The following KCNMA1 variants were observed in gnomAD, a reference collection of about 807,000 sequenced individuals.
KCNMA1 encodes potassium calcium-activated channel subfamily M alpha 1.
In KCNMA1, 29 loss-of-function variants were observed where a neutral mutation model predicts 140.0. The observed-to-expected ratio is 0.21, with a 90% confidence interval of 0.15 to 0.28. The LOEUF is 0.28. Ranked by LOEUF, KCNMA1 falls within the 10% of genes least tolerant of loss-of-function variation. The pLI, the probability that KCNMA1 is intolerant of heterozygous loss-of-function variation, is 1.00. For missense variants in KCNMA1, 880 were observed against 1,602.2 expected (o/e 0.55, Z 7.70); for synonymous variants, 612 against 611.9 (o/e 1.00, Z 0.00).
intron 15 of KCNMA1, among the ~76,000 whole-genome samples, chr10:77,034,649 T>C (rs17389253): frequency 0.069 from 10,550 of 152,152 alleles, 387 homozygotes; most frequent in Middle Eastern, 0.099. Context: ...CATCCATACT[T>C]GCCCCTGGGC....
chr10:77,005,888 G>T (rs945532527), intron 18 of KCNMA1, among the ~76,000 whole-genome samples: 1 of 152,182 alleles, frequency 6.6e-6, no homozygotes, highest in East Asian at 1.9e-4. Flanking sequence ...CTTCTCAGAA[G>T]TGTTCTTGGA....
Position 76,918,677 on chromosome 10 carries a change from G to A in KCNMA1, c.2903-3628C>T, listed in dbSNP as rs142241437. 3.2e-4 allele frequency among the ~76,000 whole-genome samples: 49 copies of A among 152,244 alleles called. 1 individual carries two copies. The East Asian group carries it at 7.7e-3, about 24-fold the overall frequency. ...TACTACAGCCACTATGGAAAACAGT[G>A]TGGAGATTCCTCAAAGAACTAAAAG... On this transcript the variant is annotated intron_variant, in intron 23 of 27. Coordinates refer to ENST00000286628, the MANE Select transcript of KCNMA1 (RefSeq NM_001161352.2).
chr10:77,082,007 C>CTTTTTTTTTTTTTTTTTTT (rs201288668), intron 12 of KCNMA1, among the ~76,000 whole-genome samples: 3 of 32,510 alleles, frequency 9.2e-5, no homozygotes, highest in African/African-American at 5.4e-4. Flanking sequence ...TTTTTCTTTT[C>CTTTTTTTTTTTTTTTTTTT]TTTTTTTTTT....
chr10:77,506,460 T>C (rs2154546670), intron 1 of KCNMA1, among the ~76,000 whole-genome samples: 1 of 152,102 alleles, frequency 6.6e-6, no homozygotes, highest in Non-Finnish European at 1.5e-5. Flanking sequence ...TTGATGTTTT[T>C]AAATACCAAA....
At chr10:77,418,926 G>A (rs1031198850) in intron 1 of KCNMA1, among the ~76,000 whole-genome samples, 1 of 152,136 alleles carries the variant, frequency 6.6e-6, no homozygotes, top group Non-Finnish European at 1.5e-5. Flanking sequence ...TTTTCAGACT[G>A]GCCTCCTTCT....
At chr10:77,281,080 T>C (rs150463611) in intron 2 of KCNMA1, among the ~76,000 whole-genome samples, 2,850 of 76,286 alleles carry the variant, frequency 0.037, 24 homozygotes, top group Middle Eastern at 0.097. Context: ...CGAACACAAA[T>C]TGGAAAAGAT....
intron 3 of KCNMA1, among the ~76,000 whole-genome samples, chr10:77,209,005 G>GCAC (rs2045116967): frequency 6.6e-6 from 1 of 152,098 alleles, no homozygotes; most frequent in Admixed American, 6.6e-5. Context: ...TGCTTAAATG[G>GCAC]CACCTACCAA....
At chr10:77,509,377 C>A (rs773576987) in intron 1 of KCNMA1, among the ~76,000 whole-genome samples, 1 of 152,176 alleles carries the variant, frequency 6.6e-6, no homozygotes, top group Non-Finnish European at 1.5e-5. Context: ...CTCAGCCTCT[C>A]AAAGTTCTCG....
At position 76,969,963 on chromosome 10, in the gene KCNMA1, C is replaced by G. The variant is rs199815456; in HGVS notation, c.2360+11G>C. The G allele has an allele frequency of 2.1e-5, 33 of 1,608,378 alleles. No homozygotes were observed. Among genetic ancestry groups the G allele is most frequent in the African/African-American group, 4.0e-5 (3 of 74,740 alleles). On this transcript the variant is annotated intron_variant, in intron 20 of 27. Coordinates refer to ENST00000286628, the MANE Select transcript of KCNMA1 (RefSeq NM_001161352.2). ...AGAGGGAAACCGTGGGCAACCAGCC[C>G]CTCTCCTTACCTCATCAGCTTAGGC...
At chr10:77,321,469 G>A (rs2082300860) in intron 2 of KCNMA1, among the ~76,000 whole-genome samples, 1 of 139,196 alleles carries the variant, frequency 7.2e-6, no homozygotes, top group African/African-American at 2.4e-5. Flanking sequence ...GATATTGTCA[G>A]TAAAACCACA....
intron 14 of KCNMA1, among the ~76,000 whole-genome samples, chr10:77,065,250 C>T (rs552087423): frequency 1.2e-4 from 18 of 152,270 alleles, no homozygotes; most frequent in African/African-American, 4.1e-4. Flanking sequence ...CCAAAGAGTG[C>T]CACGGGAAAA....
At chr10:77,027,994 G>A (rs545232567) in intron 15 of KCNMA1, 103 bp from the exon 16 acceptor site, 9 of 1,023,016 alleles carry the variant, frequency 8.8e-6, no homozygotes, top group Non-Finnish European at 1.2e-5. Flanking sequence ...AGTCATTACC[G>A]AGGGGATCCT....
At chr10:77,181,870 G>A (rs11002070) in intron 5 of KCNMA1, among the ~76,000 whole-genome samples, 9,971 of 152,166 alleles carry the variant, frequency 0.066, 372 homozygotes, top group South Asian at 0.13. Context: ...TAATTCTAAT[G>A]AGAAAACTGT....
intron 12 of KCNMA1, 140 bp downstream of exon 12, chr10:77,084,496 GC>G (rs1254692081): frequency 2.9e-5 from 21 of 731,464 alleles, no homozygotes; most frequent in Non-Finnish European, 4.6e-5. Context: ...GCTCCCCCAG[GC>G]CTATGCAGCT....
intron 23 of KCNMA1, 33 bp downstream of exon 23, chr10:76,944,740 G>A (rs202079588): frequency 1.3e-5 from 20 of 1,594,112 alleles, no homozygotes; most frequent in Middle Eastern, 1.8e-4. Flanking sequence ...TCCCCTGCAG[G>A]CACAGCAAAG....
chr10:77,119,524 G>C (rs1396440055), intron 6 of KCNMA1, among the ~76,000 whole-genome samples: 1 of 152,118 alleles, frequency 6.6e-6, no homozygotes, highest in Non-Finnish European at 1.5e-5. Flanking sequence ...ACAGTCTAGT[G>C]GAGTGAATCT....
In KCNMA1 at chr10:77,082,007, C is replaced by CT. The variant is rs201288668; in HGVS notation, c.1524-2458dup. Reference sequence around the variant, plus strand: ...GACCAGTAATTTCTTTTTTTCTTTTCTTTTTTTTTTTTTTTTTTTTTTTTT... The same window carrying CT: ...GACCAGTAATTTCTTTTTTTCTTTTCTTTTTTTTTTTTTTTTTTTTTTTTTT... On this transcript the variant is annotated intron_variant, in intron 12 of 27. Transcript: ENST00000286628. Among the ~76,000 whole-genome samples, 163 of 32,474 alleles carry CT rather than the reference C, an allele frequency of 5.0e-3. 10 individuals carry two copies. Among genetic ancestry groups the CT allele is most frequent in the East Asian group, 0.025 (51 of 2,036 alleles). 21.3% of individuals were successfully genotyped at this position (32,474 alleles called of 152,430 possible).
chr10:77,409,149 G>T (rs934021890), intron 1 of KCNMA1, among the ~76,000 whole-genome samples: 2 of 152,152 alleles, frequency 1.3e-5, no homozygotes, highest in African/African-American at 4.8e-5. Context: ...CCGCAGAGGG[G>T]CTCACCCTTC....
chr10:77,029,714 G>A (rs2093772916), intron 15 of KCNMA1, among the ~76,000 whole-genome samples: 1 of 152,200 alleles, frequency 6.6e-6, no homozygotes, highest in Non-Finnish European at 1.5e-5. Flanking sequence ...GAGCACAACA[G>A]CATGATGAGA....
Sources: allele counts gnomAD v4.1 joint callset (sites outside exome capture counted in the v4.1 genomes callset), GRCh38; gene constraint gnomAD v4.1.1; transcripts MANE v1.5; gene names NCBI Gene and HGNC (gene_info 2026-07-23, HGNC 2026-07-21).